The following SAMMSON variants were observed in gnomAD, a reference collection of about 807,000 sequenced individuals.
SAMMSON encodes survival associated mitochondrial melanoma specific oncogenic non-coding RNA.
At chr3:70,171,201 A>AAG (rs1277926618) in intron 4 of SAMMSON, among the ~76,000 whole-genome samples, 2 of 151,880 alleles carry the variant, frequency 1.3e-5, no homozygotes, top group Non-Finnish European at 2.9e-5. Context: ...CTCACAAATT[A>AAG]AGAGCTCTCT....
chr3:70,372,197 C>G (rs570391721), intron 9 of SAMMSON, among the ~76,000 whole-genome samples: 1 of 152,140 alleles, frequency 6.6e-6, no homozygotes, highest in Non-Finnish European at 1.5e-5. Flanking sequence ...TGAATTTTAT[C>G]AAATGCTTTT....
chr3:70,020,977 A>T (rs1374807398), intron 3 of SAMMSON, among the ~76,000 whole-genome samples: 1 of 152,202 alleles, frequency 6.6e-6, no homozygotes, highest in Admixed American at 6.5e-5. Flanking sequence ...ATGGTGAATG[A>T]AATGAAATGT....
chr3:70,385,522 G>C lies in SAMMSON; in HGVS notation n.914-4052G>C, dbSNP rs1703113530. On this transcript the variant is annotated intron_variant and non_coding_transcript_variant, in intron 9 of 9. Transcript: ENST00000642114. ...AATGTCGGGTTACATACAGCACTCT[G>C]CTAGGCTGTGTGGGGGTGACAATGG... is the stretch of plus-strand genomic sequence containing the variant. Among the ~76,000 whole-genome samples the C allele has an allele frequency of 2.0e-5, 3 of 152,052 alleles. No homozygotes were observed. In the South Asian group the frequency reaches 6.2e-4, roughly 31 times the overall value.
chr3:70,041,738 C>T (rs1030541074), intron 3 of SAMMSON, among the ~76,000 whole-genome samples: 1 of 151,966 alleles, frequency 6.6e-6, no homozygotes, highest in Admixed American at 6.6e-5. Flanking sequence ...TATTAGTAAT[C>T]TAGAGATGAT....
intron 9 of SAMMSON, among the ~76,000 whole-genome samples, chr3:70,377,679 C>T (rs373532728): frequency 2.6e-5 from 4 of 152,020 alleles, no homozygotes; most frequent in Admixed American, 6.5e-5. Flanking sequence ...ATACCAAAAA[C>T]GAAGTCACAT....
At chr3:70,357,828 T>G (rs1188972101) in intron 8 of SAMMSON, among the ~76,000 whole-genome samples, 1 of 152,216 alleles carries the variant, frequency 6.6e-6, no homozygotes, top group Non-Finnish European at 1.5e-5. Context: ...GTCAAATTTA[T>G]ATCCCTTTTA....
In SAMMSON at chr3:70,257,574, C is replaced by G. The variant is rs74548925; in HGVS notation, n.674+7904C>G. Among the ~76,000 whole-genome samples, 44 of 152,120 alleles carry G rather than the reference C, an allele frequency of 2.9e-4. No homozygotes were observed. In the East Asian group the frequency reaches 7.9e-3, roughly 27 times the overall value. ...ATACGCTTTGCAATGCCATCAAAACCCATGAAATACTGAGGAAGAGATTTA... is the reference window on the plus strand; with the variant it reads ...ATACGCTTTGCAATGCCATCAAAACGCATGAAATACTGAGGAAGAGATTTA... On this transcript the variant is annotated intron_variant and non_coding_transcript_variant, in intron 6 of 9. Coordinates refer to ENST00000642114, the Ensembl canonical transcript of SAMMSON.
intron 4 of SAMMSON, among the ~76,000 whole-genome samples, chr3:70,160,165 A>T (rs557748086): frequency 1.2e-3 from 176 of 151,090 alleles, no homozygotes; most frequent in Middle Eastern, 6.8e-3. Context: ...CAATTTATTA[A>T]TTTTTTTTGT....
chr3:70,210,251 A>G (rs1472830326), intron 4 of SAMMSON, among the ~76,000 whole-genome samples: 5 of 152,156 alleles, frequency 3.3e-5, no homozygotes, highest in Non-Finnish European at 7.4e-5. Flanking sequence ...TTTGGAGCAC[A>G]CTAGGCTTGT....
At chr3:70,258,973 G>T (rs763654323) in intron 6 of SAMMSON, among the ~76,000 whole-genome samples, 1 of 151,830 alleles carries the variant, frequency 6.6e-6, no homozygotes, top group African/African-American at 2.4e-5. Context: ...TTGAAAAACT[G>T]CTAAAAAGAT....
At chr3:70,015,430 T>G (rs1294481704) in intron 3 of SAMMSON, 4 of 151,964 alleles carry the variant, frequency 2.6e-5, no homozygotes, top group Admixed American at 6.6e-5. Context: ...AACAAGTCGT[T>G]TATTTACCCA....
intron 7 of SAMMSON, among the ~76,000 whole-genome samples, chr3:70,324,797 C>G (rs1702567015): frequency 6.6e-6 from 1 of 151,786 alleles, no homozygotes; most frequent in Admixed American, 6.6e-5. Flanking sequence ...CCTGACATAA[C>G]AAAAGCACAG....
intron 4 of SAMMSON, among the ~76,000 whole-genome samples, chr3:70,135,405 T>C (rs542680188): frequency 6.6e-6 from 1 of 152,274 alleles, no homozygotes; most frequent in South Asian, 2.1e-4. Context: ...GCCTCAGGAA[T>C]AAACATTAGA....
downstream of SAMMSON, among the ~76,000 whole-genome samples, chr3:70,392,486 C>A (rs150585906): frequency 6.6e-6 from 1 of 152,088 alleles, no homozygotes; most frequent in Non-Finnish European, 1.5e-5. Flanking sequence ...TTTGCAGCCT[C>A]GTAGTTGATT....
chr3:70,042,989 A>G (rs1336043751), intron 3 of SAMMSON, among the ~76,000 whole-genome samples: 1 of 152,160 alleles, frequency 6.6e-6, no homozygotes, highest in Non-Finnish European at 1.5e-5. Context: ...ACAAGAGTGT[A>G]TGTCCACACA....
chr3:70,128,605 G>C (rs2067468648), intron 4 of SAMMSON, among the ~76,000 whole-genome samples: 1 of 152,134 alleles, frequency 6.6e-6, no homozygotes, highest in South Asian at 2.1e-4. Flanking sequence ...TCCTCTTTCA[G>C]AAATGTTTTC....
intron 4 of SAMMSON, among the ~76,000 whole-genome samples, chr3:70,189,608 G>T (rs1701116480): frequency 6.6e-6 from 1 of 152,138 alleles, no homozygotes; most frequent in Non-Finnish European, 1.5e-5. Context: ...AGAGGCAGAT[G>T]AAAAGGTAAA....
intron 4 of SAMMSON, among the ~76,000 whole-genome samples, chr3:70,155,305 G>A (rs1300842198): frequency 6.6e-6 from 1 of 151,816 alleles, no homozygotes; most frequent in Admixed American, 6.6e-5. Context: ...AAAGTTCCAG[G>A]GTAGCCTAAG....
chr3:70,416,653 T>A (rs1215276330), intron 2 of SAMMSON, among the ~76,000 whole-genome samples: 1 of 152,148 alleles, frequency 6.6e-6, no homozygotes, highest in Admixed American at 6.5e-5. Flanking sequence ...ATGGCTGATT[T>A]AAATATAATT....
Sources: gnomAD v4.1 joint callset for allele counts (sites outside exome capture counted in the v4.1 genomes callset) on GRCh38, gnomAD v4.1.1 for gene constraint, MANE v1.5 for transcripts, NCBI Gene and HGNC (gene_info 2026-07-23, HGNC 2026-07-21) for gene names.